ATF6: variants seen among roughly 807,000 people sequenced by gnomAD.
ATF6 encodes activating transcription factor 6.
ATF6 carries 53 observed loss-of-function variants against 83.6 expected under a neutral mutation model. The ratio of observed to expected loss-of-function variants is 0.63; its 90% CI spans 0.51 to 0.80. The LOEUF is 0.80. Among genes scored for constraint, ATF6 ranks in the 30% least tolerant of loss-of-function variants. The pLI, the probability that ATF6 is intolerant of heterozygous loss-of-function variation, is 0.00. For synonymous variants in ATF6, 288 were observed against 285.8 expected, an observed-to-expected ratio of 1.01 and a Z score of -0.08; for missense variants, 744 against 797.9, an observed-to-expected ratio of 0.93 and a Z score of 0.81.
intron 14 of ATF6, among the ~76,000 whole-genome samples, chr1:161,909,829 G>A (rs1423284021): frequency 2.6e-5 from 4 of 152,118 alleles, no homozygotes; most frequent in African/African-American, 4.8e-5. Context: ...GGTGGCGGGC[G>A]CCTGTAGTCC....
chr1:161,929,472 T>C (rs1191623804), intron 15 of ATF6, among the ~76,000 whole-genome samples: 1 of 152,158 alleles, frequency 6.6e-6, no homozygotes, highest in African/African-American at 2.4e-5. Context: ...CTGGTGCATC[T>C]GTGTGGCAGA....
At chr1:161,781,316 T>G (rs1571123315) in intron 2 of ATF6, among the ~76,000 whole-genome samples, 1 of 151,910 alleles carries the variant, frequency 6.6e-6, no homozygotes, top group South Asian at 2.1e-4. Context: ...AAAAGTGGTG[T>G]TTTTTTTGAT....
chr1:161,906,396 G>A (rs1235728572), intron 14 of ATF6, among the ~76,000 whole-genome samples: 2 of 152,140 alleles, frequency 1.3e-5, no homozygotes, highest in Non-Finnish European at 2.9e-5. Context: ...AAAAAGAGAG[G>A]CATATATTAC....
intron 15 of ATF6, among the ~76,000 whole-genome samples, chr1:161,925,633 TA>T (rs1321122677): frequency 2.0e-5 from 3 of 152,206 alleles, no homozygotes; most frequent in Non-Finnish European, 2.9e-5. Flanking sequence ...GGAGGCTTCT[TA>T]AGGTTAGGAC....
At chr1:161,854,316 T>C (rs924363091) in intron 12 of ATF6, among the ~76,000 whole-genome samples, 1 of 152,220 alleles carries the variant, frequency 6.6e-6, no homozygotes, top group African/African-American at 2.4e-5. Context: ...CCTTCTATTG[T>C]GTAGCCCCAA....
chr1:161,807,382 A>G (rs1685313822), intron 7 of ATF6, among the ~76,000 whole-genome samples: 2 of 152,228 alleles, frequency 1.3e-5, no homozygotes, highest in South Asian at 2.1e-4. Flanking sequence ...ATCTCCTTAA[A>G]TTATGTGGCT....
intron 7 of ATF6, among the ~76,000 whole-genome samples, chr1:161,813,108 A>AG (rs1685516309): frequency 6.6e-6 from 1 of 152,190 alleles, no homozygotes; most frequent in African/African-American, 2.4e-5. Flanking sequence ...AGAAAAAAAA[A>AG]GAACAAATTA....
intron 14 of ATF6, among the ~76,000 whole-genome samples, chr1:161,868,657 T>TG (rs1392427803): frequency 1.4e-5 from 2 of 147,376 alleles, no homozygotes; most frequent in East Asian, 3.9e-4. Context: ...TTTAAAAGGT[T>TG]TTTTTTTTTA....
intron 14 of ATF6, among the ~76,000 whole-genome samples, chr1:161,905,210 T>C (rs1157167202): frequency 6.6e-6 from 1 of 152,308 alleles, no homozygotes; most frequent in Middle Eastern, 3.4e-3. Flanking sequence ...TATCTCCCTG[T>C]GTTCCCTTCC....
intron 7 of ATF6, among the ~76,000 whole-genome samples, chr1:161,819,235 CTG>C (rs1039220260): frequency 8.0e-4 from 122 of 152,196 alleles, no homozygotes; most frequent in African/African-American, 2.7e-3. Flanking sequence ...GTGGTAATAA[CTG>C]TAAGAAGTGG....
chr1:161,940,784 G>A (rs1038576084), intron 15 of ATF6, among the ~76,000 whole-genome samples: 3 of 151,902 alleles, frequency 2.0e-5, no homozygotes, highest in Admixed American at 6.6e-5. Context: ...GGATGGCCTC[G>A]ATCTCTTGAC....
intron 6 of ATF6, among the ~76,000 whole-genome samples, chr1:161,796,217 C>G (rs985827248): frequency 2.0e-5 from 3 of 152,150 alleles, no homozygotes; most frequent in African/African-American, 7.2e-5. Context: ...TCTGCTAGGG[C>G]TTTAAATCTG....
chr1:161,915,297 A>G (rs891829447), intron 15 of ATF6, among the ~76,000 whole-genome samples: 1 of 152,216 alleles, frequency 6.6e-6, no homozygotes, highest in East Asian at 1.9e-4. Context: ...GGGCAAGTTA[A>G]TTAACTTTTC....
intron 15 of ATF6, among the ~76,000 whole-genome samples, chr1:161,948,684 C>A (rs1407996311): frequency 6.6e-6 from 1 of 152,138 alleles, no homozygotes; most frequent in Non-Finnish European, 1.5e-5. Flanking sequence ...ATATATTTGG[C>A]CTTACCTATT....
chr1:161,833,341 A>G (rs1459009068), intron 9 of ATF6, among the ~76,000 whole-genome samples: 1 of 152,196 alleles, frequency 6.6e-6, no homozygotes, highest in Non-Finnish European at 1.5e-5. Context: ...TCTAAAAATC[A>G]GAGCGCCTCT....
intron 14 of ATF6, among the ~76,000 whole-genome samples, chr1:161,875,164 C>T (rs1398272901): frequency 6.6e-6 from 1 of 151,680 alleles, no homozygotes; most frequent in Non-Finnish European, 1.5e-5. Flanking sequence ...TGAAGAAAAT[C>T]CAGCCTCACA....
At chr1:161,919,200 T>C (rs1688156280) in intron 15 of ATF6, among the ~76,000 whole-genome samples, 1 of 152,224 alleles carries the variant, frequency 6.6e-6, no homozygotes, top group Admixed American at 6.5e-5. Context: ...AGAAAGTAAG[T>C]CTTTCTTTGT....
intron 14 of ATF6, among the ~76,000 whole-genome samples, chr1:161,878,841 A>G (rs1687270311): frequency 6.6e-6 from 1 of 152,208 alleles, no homozygotes; most frequent in Non-Finnish European, 1.5e-5. Context: ...GACATGAAAC[A>G]TAAAAGTTAA....
intron 14 of ATF6, among the ~76,000 whole-genome samples, chr1:161,897,252 G>A (rs925557074): frequency 6.6e-6 from 1 of 151,876 alleles, no homozygotes; most frequent in Non-Finnish European, 1.5e-5. Flanking sequence ...TGGGCAACAC[G>A]ATGAAACTCC....
Sources: allele counts gnomAD v4.1 joint callset (sites outside exome capture counted in the v4.1 genomes callset), GRCh38; gene constraint gnomAD v4.1.1; transcripts MANE v1.5; gene names NCBI Gene and HGNC (gene_info 2026-07-23, HGNC 2026-07-21).